The following ALPK1 variants were observed in gnomAD, a reference collection of about 807,000 sequenced individuals.
The protein encoded by ALPK1 is alpha kinase 1, also known as alpha-protein kinase 1.
A neutral mutation model predicts 120.6 loss-of-function variants in ALPK1; 110 were observed. The ratio of observed to expected loss-of-function variants is 0.91; its 90% confidence interval spans 0.78 to 1.07. The LOEUF (loss-of-function observed/expected upper bound fraction) is 1.07, where lower values mean the gene tolerates loss of function less well. Ranked by LOEUF, ALPK1 falls within the 50% of genes least tolerant of loss-of-function variation. ALPK1 has a pLI of 0.00. For synonymous variants in ALPK1, 582 were observed against 560.3 expected (o/e 1.04, Z -0.55); for missense variants, 1,498 against 1,483.9 (o/e 1.01, Z -0.16).
intron 2 of ALPK1, among the ~76,000 whole-genome samples, chr4:112,350,222 A>G (rs934266688): frequency 1.3e-5 from 2 of 152,222 alleles, no homozygotes; most frequent in African/African-American, 4.8e-5. Context: ...CTTCAAAGCT[A>G]CATAGTTCTA....
chr4:112,423,371 A>C (rs79496279), intron 5 of ALPK1, among the ~76,000 whole-genome samples: 14,843 of 152,310 alleles, frequency 0.097, 792 homozygotes, highest in African/African-American at 0.11. Flanking sequence ...GTGAGGTCAA[A>C]GAAGTCATGA....
chr4:112,350,535 T>TTA (rs1032044820), intron 2 of ALPK1, among the ~76,000 whole-genome samples: 14 of 152,202 alleles, frequency 9.2e-5, no homozygotes, highest in Non-Finnish European at 2.9e-5. Flanking sequence ...ACAGACTAAA[T>TTA]GGTCAAGACT....
At chr4:112,339,659 T>C (rs1729773848) in intron 2 of ALPK1, among the ~76,000 whole-genome samples, 1 of 152,236 alleles carries the variant, frequency 6.6e-6, no homozygotes, top group Non-Finnish European at 1.5e-5. Context: ...TAGTTTGCCA[T>C]ACTTTGTTGA....
At chr4:112,308,817 G>A (rs28827294) in intron 1 of ALPK1, among the ~76,000 whole-genome samples, 3,044 of 151,878 alleles carry the variant, frequency 0.02, 122 homozygotes, top group African/African-American at 0.069. Context: ...GGAGGGGGAG[G>A]GGCGCTCTGA....
At chr4:112,329,449 C>T (rs960898223) in intron 2 of ALPK1, among the ~76,000 whole-genome samples, 3 of 152,170 alleles carry the variant, frequency 2.0e-5, no homozygotes, top group African/African-American at 7.2e-5. Context: ...CCTGCCCAGA[C>T]CCACGTATTT....
chr4:112,435,194 C>T lies in ALPK1; in HGVS notation c.3081C>T (p.Ala1027=), dbSNP rs748345431. 6.2e-6 allele frequency: 10 copies of T among 1,612,492 alleles called. No homozygotes were observed. The South Asian group carries it at 1.1e-4, about 18-fold the overall frequency. Reference sequence around the variant, plus strand: ...CAAAAAAATCTGAACTGTGGACGGCCCAGGAAACTATTGTCTATTTGGGGG... The same window carrying T: ...CAAAAAAATCTGAACTGTGGACGGCTCAGGAAACTATTGTCTATTTGGGGG... The part of the protein sequence containing the change: ...KYSKKSELWT[A]QETIVYLGDY... The change falls in exon 12 of 16, where the codon GCC becomes GCT. Residue 1027 remains alanine (A), a synonymous_variant. Coordinates refer to ENST00000650871, the MANE Select transcript of ALPK1 (RefSeq NM_025144.4).
intron 5 of ALPK1, chr4:112,414,386 C>A (rs1401853252): frequency 2.2e-6 from 1 of 445,142 alleles, no homozygotes; most frequent in Non-Finnish European, 4.6e-6. Context: ...GCGGGTGGAT[C>A]ACCTGAAGTC....
At chr4:112,421,934 C>T (rs546061935) in intron 5 of ALPK1, among the ~76,000 whole-genome samples, 143 of 152,320 alleles carry the variant, frequency 9.4e-4, no homozygotes, top group African/African-American at 3.4e-3. Flanking sequence ...AAGCACTTTA[C>T]AGCTTCTCTT....
At chr4:112,315,364 A>G (rs971789696) in intron 1 of ALPK1, among the ~76,000 whole-genome samples, 1 of 152,190 alleles carries the variant, frequency 6.6e-6, no homozygotes, top group Non-Finnish European at 1.5e-5. Flanking sequence ...TCAACCCCAG[A>G]GGTTTTTCAA....
intron 1 of ALPK1, among the ~76,000 whole-genome samples, chr4:112,309,385 G>T (rs561106868): frequency 6.6e-6 from 1 of 152,272 alleles, no homozygotes; most frequent in East Asian, 1.9e-4. Context: ...TTGAGCTACG[G>T]TGGGCTCCAC....
chr4:112,372,884 C>T (rs945408092), intron 2 of ALPK1, among the ~76,000 whole-genome samples: 1 of 152,146 alleles, frequency 6.6e-6, no homozygotes, highest in Non-Finnish European at 1.5e-5. Flanking sequence ...ACTAAGAAAA[C>T]ATAAGCCTTT....
intron 11 of ALPK1, 33 bp downstream of exon 11, chr4:112,432,614 A>T: frequency 1.9e-6 from 3 of 1,583,642 alleles, no homozygotes; most frequent in Non-Finnish European, 2.6e-6. Context: ...TTCCCCCCTC[A>T]GGAAGCAGCT....
At chr4:112,427,957 A>G (rs776815288) in intron 9 of ALPK1, 36 of 237,710 alleles carry the variant, frequency 1.5e-4, no homozygotes, top group Non-Finnish European at 2.7e-4. Context: ...CTTTCAAAGT[A>G]TAACAAAATG....
At chr4:112,347,458 A>T (rs1730149649) in intron 2 of ALPK1, among the ~76,000 whole-genome samples, 2 of 152,230 alleles carry the variant, frequency 1.3e-5, no homozygotes, top group South Asian at 4.1e-4. Flanking sequence ...CTTTGTCAAG[A>T]TCTAATAATA....
At chr4:112,425,797 C>G in intron 7 of ALPK1, 46 bp downstream of exon 7, 1 of 1,483,260 alleles carries the variant, frequency 6.7e-7, no homozygotes, top group Non-Finnish European at 9.3e-7. Flanking sequence ...ATTTACAAAG[C>G]CTGGCTGCAT....
intron 4 of ALPK1, among the ~76,000 whole-genome samples, chr4:112,409,818 G>A (rs1331960747): frequency 3.3e-5 from 5 of 152,116 alleles, no homozygotes; most frequent in African/African-American, 1.2e-4. Context: ...CCGTCACATG[G>A]AAGGAAACAT....
At chr4:112,332,328 C>G (rs1442119735) in intron 2 of ALPK1, among the ~76,000 whole-genome samples, 8 of 152,190 alleles carry the variant, frequency 5.3e-5, no homozygotes, top group Non-Finnish European at 8.8e-5. Context: ...CAAGAAGGTA[C>G]AGCAAATTGA....
intron 4 of ALPK1, among the ~76,000 whole-genome samples, chr4:112,389,548 C>A (rs1216353305): frequency 2.0e-5 from 3 of 152,170 alleles, no homozygotes; most frequent in Non-Finnish European, 2.9e-5. Context: ...TTGTTTAGGT[C>A]CCCTAGATAA....
intron 2 of ALPK1, among the ~76,000 whole-genome samples, chr4:112,326,698 A>AT (rs1239800963): frequency 6.6e-6 from 1 of 152,170 alleles, no homozygotes; most frequent in Non-Finnish European, 1.5e-5. Flanking sequence ...TTAAAAAGCA[A>AT]CCTCCGAAGA....
Sources: allele counts gnomAD v4.1 joint callset (sites outside exome capture counted in the v4.1 genomes callset), GRCh38; gene constraint gnomAD v4.1.1; transcripts MANE v1.5; gene names NCBI Gene and HGNC (gene_info 2026-07-23, HGNC 2026-07-21).